The following TRIP12 variants were observed in gnomAD, a reference collection of about 807,000 sequenced individuals.
TRIP12 encodes thyroid hormone receptor interactor 12, also known as E3 ubiquitin-protein ligase TRIP12.
A neutral mutation model predicts 244.2 loss-of-function variants in TRIP12; 25 were observed. The ratio of observed to expected loss-of-function variants is 0.10; its 90% confidence interval spans 0.07 to 0.14. The LOEUF (loss-of-function observed/expected upper bound fraction) is 0.14. Ranked by LOEUF, TRIP12 falls within the 10% of genes least tolerant of loss-of-function variation. The probability of loss-of-function intolerance (pLI) is 1.00; values close to 1 mark genes in which losing one functional copy is unlikely to be tolerated. For missense variants in TRIP12, 1,677 were observed against 2,486.4 expected, an observed-to-expected ratio of 0.67 and a Z score of 6.92; for synonymous variants, 905 against 873.1, an observed-to-expected ratio of 1.04 and a Z score of -0.64.
chr2:229,853,367 G>A (rs566263142), intron 4 of TRIP12, among the ~76,000 whole-genome samples: 15 of 152,054 alleles, frequency 9.9e-5, no homozygotes, highest in Non-Finnish European at 1.8e-4. Context: ...CTGAATTAAC[G>A]TTAAAACAAA....
intron 13 of TRIP12, among the ~76,000 whole-genome samples, chr2:229,813,621 T>A (rs1052270513): frequency 2.0e-5 from 3 of 151,670 alleles, no homozygotes; most frequent in Non-Finnish European, 4.4e-5. Context: ...CCATCTCTAC[T>A]AAAAATACAA....
chr2:229,805,385 G>C (rs1486350597), intron 18 of TRIP12, among the ~76,000 whole-genome samples: 1 of 151,994 alleles, frequency 6.6e-6, no homozygotes, highest in Admixed American at 6.6e-5. Context: ...TCCTTAATTA[G>C]TTCAGATAAT....
chr2:229,804,168 C>T lies in TRIP12; in HGVS notation c.2710G>A (p.Glu904Lys), dbSNP rs756338297. 5 of 1,613,940 alleles carry T rather than the reference C, an allele frequency of 3.1e-6. No homozygotes were observed. In the African/African-American group the frequency reaches 6.7e-5, roughly 22 times the overall value. ...GTCTTAATAAAAGACTTAGCCAGTT[C>T]CGGATCCTCTTTCATAAGCTGTGCT... is the stretch of plus-strand genomic sequence containing the variant. ...ARAQLMKEDP[E>K]LAKSFIKTLF... Residue 904 changes from glutamate to lysine, a missense_variant, in exon 19 of 42, where the codon GAA (glutamate) becomes AAA (lysine). Around this residue, in one of 11 missense-constraint regions of TRIP12, gnomAD observed 572 missense variants for 867.8 expected, o/e 0.66. Transcript: ENST00000675903.
At chr2:229,866,549 T>C (rs2061540220) in intron 2 of TRIP12, among the ~76,000 whole-genome samples, 1 of 152,180 alleles carries the variant, frequency 6.6e-6, no homozygotes, top group Non-Finnish European at 1.5e-5. Context: ...TAAAAGAGCA[T>C]AATAAAAATA....
At chr2:229,920,309 A>G (rs2076256219) in intron 1 of TRIP12, among the ~76,000 whole-genome samples, 1 of 152,226 alleles carries the variant, frequency 6.6e-6, no homozygotes. Flanking sequence ...ATAAAGTTAA[A>G]CACATCACTA....
intron 37 of TRIP12, among the ~76,000 whole-genome samples, chr2:229,774,829 T>C (rs1204945272): frequency 7.5e-6 from 1 of 133,064 alleles, no homozygotes; most frequent in Non-Finnish European, 1.6e-5. Context: ...CACTGTGATC[T>C]AAAAAAAAAA....
intron 1 of TRIP12, among the ~76,000 whole-genome samples, chr2:229,916,860 T>TAAA (rs60111350): frequency 6.9e-6 from 1 of 145,460 alleles, no homozygotes; most frequent in Non-Finnish European, 1.5e-5. Flanking sequence ...AAATTTTACT[T>TAAA]AAAAAAAAAA....
intron 1 of TRIP12, among the ~76,000 whole-genome samples, chr2:229,893,675 T>C (rs1012136262): frequency 2.0e-5 from 3 of 152,224 alleles, no homozygotes; most frequent in Admixed American, 1.3e-4. Flanking sequence ...TGTATGAATA[T>C]GAACATTTTG....
At chr2:229,878,667 G>A (rs1244454245) in intron 2 of TRIP12, among the ~76,000 whole-genome samples, 2 of 150,284 alleles carry the variant, frequency 1.3e-5, no homozygotes, top group African/African-American at 2.4e-5. Context: ...TGCAAGCTCC[G>A]CCTCCCGGGT....
chr2:229,785,941 G>T (rs569356336), intron 33 of TRIP12, 86 bp from the exon 34 acceptor site: 33 of 1,239,156 alleles, frequency 2.7e-5, no homozygotes, highest in Non-Finnish European at 3.7e-5. Flanking sequence ...AAATGCAAAA[G>T]AACAAGATCA....
intron 1 of TRIP12, among the ~76,000 whole-genome samples, chr2:229,913,931 A>G (rs986967431): frequency 6.6e-6 from 1 of 152,214 alleles, no homozygotes; most frequent in Non-Finnish European, 1.5e-5. Context: ...TAAAAATTTT[A>G]AAGGAGTCAC....
Position 229,802,596 on chromosome 2 carries a change from G to A in TRIP12, c.2999-137C>T, listed in dbSNP as rs141861502. 1.5e-3 allele frequency: 828 copies of A among 541,796 alleles called. 5 individuals are homozygous for A. The highest frequency in any genetic ancestry group is 0.015 in the African/African-American group (781 of 51,524). The allele number at this position is 541,796 out of a possible 1,614,324, so 33.6% of individuals were successfully genotyped here. On this transcript the variant is annotated intron_variant, in intron 20 of 41. Coordinates refer to ENST00000675903, the MANE Select transcript of TRIP12 (RefSeq NM_001348323.3). ...AAACATAACTGGCAAATAGGTAAAAGAAATTAGGAGCCAGAGTTTTCAACT... is the reference window on the plus strand; with the variant it reads ...AAACATAACTGGCAAATAGGTAAAAAAAATTAGGAGCCAGAGTTTTCAACT...
Position 229,767,351 on chromosome 2 carries a change from C to T in TRIP12, c.*203G>A. The T allele has an allele frequency of 2.2e-6, 1 of 451,536 alleles. No homozygotes were observed. The highest frequency in any genetic ancestry group is 3.7e-6 in the Non-Finnish European group (1 of 272,324). The allele number at this position is 451,536 out of a possible 1,614,324, so 28.0% of individuals were successfully genotyped here. ...AGAACTTGCTAAAGAAACCTCATCACAACAACGTTTTAGGGCCTGATCACT... is the reference window on the plus strand; with the variant it reads ...AGAACTTGCTAAAGAAACCTCATCATAACAACGTTTTAGGGCCTGATCACT... On this transcript the variant is annotated 3_prime_UTR_variant, in exon 42 of 42. Coordinates refer to ENST00000675903, the MANE Select transcript of TRIP12 (RefSeq NM_001348323.3).
At chr2:229,879,856 G>T in intron 2 of TRIP12, 126 bp downstream of exon 2, 2 of 1,063,772 alleles carry the variant, frequency 1.9e-6, no homozygotes, top group Non-Finnish European at 2.8e-6. Context: ...TTAAGTACCT[G>T]GCTCACAAAT....
Position 229,818,379 on chromosome 2 carries a change from A to C in TRIP12, c.1584T>G (p.Ser528Arg), listed in dbSNP as rs1156890675. Reference protein sequence around the residue: ...EETLGGFPVKSVVPALITLLQ... With the variant: ...EETLGGFPVKRVVPALITLLQ... ...TTATGCTTACCAAAGCTGGAACAAC[A>C]CTCTTGACAGGAAACCCTCCCAGTG... Residue 528 changes from serine (S) to arginine (R), a missense_variant, in exon 9 of 42, where the codon AGT (serine) becomes AGG (arginine). By Grantham distance (110) the Ser-to-Arg change is moderately radical. Coordinates refer to ENST00000675903, the MANE Select transcript of TRIP12 (RefSeq NM_001348323.3). The C allele has an allele frequency of 1.2e-5, 19 of 1,613,756 alleles. No homozygotes were observed. Among genetic ancestry groups the C allele is most frequent in the Non-Finnish European group, 1.6e-5 (19 of 1,179,918 alleles).
intron 1 of TRIP12, among the ~76,000 whole-genome samples, chr2:229,918,788 CTAA>C (rs1457741644): frequency 6.6e-6 from 1 of 152,180 alleles, no homozygotes; most frequent in Non-Finnish European, 1.5e-5. Flanking sequence ...ACCACCACGA[CTAA>C]TGAGAAGCTG....
chr2:229,811,537 T>G (rs1007701915), intron 13 of TRIP12, among the ~76,000 whole-genome samples: 1 of 152,152 alleles, frequency 6.6e-6, no homozygotes, highest in South Asian at 2.1e-4. Flanking sequence ...TACTTTCCTT[T>G]AAAACCATTA....
chr2:229,887,596 C>T (rs1213236397), intron 1 of TRIP12, among the ~76,000 whole-genome samples: 2 of 150,414 alleles, frequency 1.3e-5, no homozygotes, highest in African/African-American at 4.9e-5. Context: ...ATTTTGATGA[C>T]AGGATCTACA....
intron 23 of TRIP12, among the ~76,000 whole-genome samples, chr2:229,798,632 CG>C (rs2043414564): frequency 6.6e-6 from 1 of 152,062 alleles, no homozygotes; most frequent in Non-Finnish European, 1.5e-5. Context: ...TGGTTTTGAA[CG>C]TATAAGACTT....
Sources: gnomAD v4.1 joint callset for allele counts (sites outside exome capture counted in the v4.1 genomes callset) on GRCh38, gnomAD v4.1.1 for gene constraint, gnomAD v4.1.1 regional missense constraint, MANE v1.5 for transcripts, NCBI Gene and HGNC (gene_info 2026-07-23, HGNC 2026-07-21) for gene names.